Variants in MMS22L observed in about 807,000 individuals in gnomAD.
MMS22L encodes MMS22 like, DNA repair protein, also known as protein MMS22-like.
A neutral mutation model predicts 159.1 loss-of-function variants in MMS22L; 74 were observed. The ratio of observed to expected loss-of-function variants is 0.47; its 90% CI spans 0.39 to 0.56. MMS22L has a LOEUF of 0.56. Ranked by LOEUF, MMS22L falls within the 20% of genes least tolerant of loss-of-function variation. The pLI is 0.00. For missense variants in MMS22L, 1,351 were observed against 1,422.1 expected (o/e 0.95, Z 0.80); for synonymous variants, 517 against 506.9 (o/e 1.02, Z -0.27).
intron 14 of MMS22L, among the ~76,000 whole-genome samples, chr6:97,195,237 C>G (rs1806363031): frequency 6.6e-6 from 1 of 152,144 alleles, no homozygotes; most frequent in African/African-American, 2.4e-5. Context: ...CACAGTTTCA[C>G]AGACTCAAGG....
At chr6:97,169,086 C>T (rs1803264699) in intron 19 of MMS22L, among the ~76,000 whole-genome samples, 1 of 152,058 alleles carries the variant, frequency 6.6e-6, no homozygotes, top group Non-Finnish European at 1.5e-5. Context: ...TTAACCTCCA[C>T]CAACTTCAGT....
At chr6:97,223,284 C>T (rs2127984112) in intron 14 of MMS22L, among the ~76,000 whole-genome samples, 1 of 151,940 alleles carries the variant, frequency 6.6e-6, no homozygotes, top group South Asian at 2.1e-4. Context: ...CACATTTTTG[C>T]AAGGACTGGT....
intron 9 of MMS22L, chr6:97,259,240 T>G (rs1391193438): frequency 2.0e-5 from 3 of 152,234 alleles, no homozygotes; most frequent in Non-Finnish European, 4.4e-5. Context: ...TTCAGATATC[T>G]TCCTCATTCT....
At chr6:97,193,835 A>G (rs1271681493) in intron 14 of MMS22L, among the ~76,000 whole-genome samples, 1 of 152,176 alleles carries the variant, frequency 6.6e-6, no homozygotes. Flanking sequence ...ATCTCGGCTC[A>G]CTGCAAGCTC....
At chr6:97,226,693 T>C (rs1247813478) in intron 14 of MMS22L, among the ~76,000 whole-genome samples, 4 of 151,998 alleles carry the variant, frequency 2.6e-5, no homozygotes, top group Non-Finnish European at 5.9e-5. Flanking sequence ...AAAATACATA[T>C]ATAGTGTGTG....
chr6:97,182,902 T>C (rs1480194482), intron 15 of MMS22L, among the ~76,000 whole-genome samples: 1 of 152,110 alleles, frequency 6.6e-6, no homozygotes, highest in African/African-American at 2.4e-5. Flanking sequence ...CTCCTCTCAT[T>C]CTTTGTAGAC....
In MMS22L at chr6:97,179,472, C is replaced by A. The variant is rs750905189; in HGVS notation, c.2472G>T (p.Met824Ile). Residue 824 changes from methionine (M) to isoleucine (I), a missense_variant, in exon 17 of 25, where the codon ATG becomes ATT. Transcript: ENST00000683635. Reference sequence around the variant, plus strand: ...CAGGCCCAGAGAGGTTTTTAATATACATTTGCAAAACACAACGAATCCATG... The same window carrying A: ...CAGGCCCAGAGAGGTTTTTAATATAAATTTGCAAAACACAACGAATCCATG... ...VRSWIRCVLQ[M>I]YIKNLSGPDD... 6.2e-7 allele frequency: 1 copy of A among 1,613,612 alleles called. No homozygotes were observed. Among genetic ancestry groups the A allele is most frequent in the Admixed American group, 1.7e-5 (1 of 60,000 alleles).
chr6:97,215,114 A>ATATATATATATTTTT (rs1209431095), intron 14 of MMS22L, among the ~76,000 whole-genome samples: 1 of 87,190 alleles, frequency 1.1e-5, no homozygotes, highest in African/African-American at 3.5e-5. Context: ...ATATATATAT[A>ATATATATATATTTTT]TTTTTTTTTT....
rs562900198 is a variant in MMS22L, at chr6:97,181,226, G to T, written c.2384+678C>A. Among the ~76,000 whole-genome samples, 6 of 152,226 alleles carry T rather than the reference G, an allele frequency of 3.9e-5. No individual in the cohort carries two copies. The East Asian group carries it at 1.2e-3, about 29-fold the overall frequency. Reference sequence around the variant, plus strand: ...ATGCTCTCTCACTCTACAAGCAGTTGTTACTAAAAAGAGGACTAAGACCTC... The same window carrying T: ...ATGCTCTCTCACTCTACAAGCAGTTTTTACTAAAAAGAGGACTAAGACCTC... On this transcript the variant is annotated intron_variant, in intron 16 of 24. Coordinates refer to ENST00000683635, the MANE Select transcript of MMS22L (RefSeq NM_001350599.2).
chr6:97,212,269 T>C (rs1225056160), intron 14 of MMS22L, among the ~76,000 whole-genome samples: 2 of 152,200 alleles, frequency 1.3e-5, no homozygotes, highest in Non-Finnish European at 2.9e-5. Flanking sequence ...CAGACATTTC[T>C]GTTTCATGCA....
intron 22 of MMS22L, among the ~76,000 whole-genome samples, chr6:97,159,324 C>T (rs1802187194): frequency 6.6e-6 from 1 of 151,694 alleles, no homozygotes; most frequent in Non-Finnish European, 1.5e-5. Context: ...GAACTATTTC[C>T]TTTGTGGTCA....
At chr6:97,218,303 AT>A (rs1809252306) in intron 14 of MMS22L, among the ~76,000 whole-genome samples, 3 of 152,188 alleles carry the variant, frequency 2.0e-5, no homozygotes, top group Non-Finnish European at 4.4e-5. Context: ...TCCTGACTGC[AT>A]GGATACTGTT....
intron 10 of MMS22L, chr6:97,254,320 C>G: frequency 2.5e-6 from 1 of 396,456 alleles, no homozygotes; most frequent in East Asian, 4.9e-5. Flanking sequence ...CACAATTGTT[C>G]AGTAGCAGGG....
At chr6:97,235,285 T>C (rs1335964638) in intron 11 of MMS22L, among the ~76,000 whole-genome samples, 1 of 152,192 alleles carries the variant, frequency 6.6e-6, no homozygotes, top group Non-Finnish European at 1.5e-5. Context: ...AATGGTGCTA[T>C]TTCCTGAAAT....
At position 97,267,879 on chromosome 6, in the gene MMS22L, T is replaced by C; in HGVS notation, c.821A>G (p.Tyr274Cys). Residue 274 changes from tyrosine (Y) to cysteine (C), a missense_variant, in exon 8 of 25, where the codon TAC becomes TGC. Coordinates refer to ENST00000683635, the MANE Select transcript of MMS22L (RefSeq NM_001350599.2). ...AAACTCTTAAAGCATTACCTTGTCGTACCTGTTGAGTGACAGGCTTATTAA... is the reference window on the plus strand; with the variant it reads ...AAACTCTTAAAGCATTACCTTGTCGCACCTGTTGAGTGACAGGCTTATTAA... ...CDLISLSLNRYDKVRSSESLM... is the reference protein window; with the variant it reads ...CDLISLSLNRCDKVRSSESLM... The C allele has an allele frequency of 6.2e-7, 1 of 1,604,738 alleles. No homozygotes were observed.
At chr6:97,197,316 C>A (rs1368015545) in intron 14 of MMS22L, among the ~76,000 whole-genome samples, 2 of 152,136 alleles carry the variant, frequency 1.3e-5, no homozygotes, top group Non-Finnish European at 2.9e-5. Context: ...AACTCATCCT[C>A]CAAATTTAAT....
intron 11 of MMS22L, among the ~76,000 whole-genome samples, chr6:97,245,038 C>G (rs1320688488): frequency 6.6e-6 from 1 of 152,100 alleles, no homozygotes; most frequent in African/African-American, 2.4e-5. Flanking sequence ...CAGTCTCACT[C>G]CCGCTATGCT....
chr6:97,145,958 G>C lies in MMS22L; in HGVS notation c.*848C>G, dbSNP rs1045367218. 6.6e-6 allele frequency: 1 copy of C among 152,138 alleles called. No individual in the cohort carries two copies. Among genetic ancestry groups the C allele is most frequent in the Admixed American group, 6.5e-5 (1 of 15,278 alleles). 9.4% of individuals were successfully genotyped at this position (152,138 alleles called of 1,614,324 possible). A position where few individuals can be genotyped will look rare whatever the true frequency, so the allele number is the denominator to read the frequency against. ...ACTAAACAGGTTTCTTGGATAAAAT[G>C]CTAAGTTATAAGAAGCTCTGGCTAA... On this transcript the variant is annotated 3_prime_UTR_variant, in exon 25 of 25. Coordinates refer to ENST00000683635, the MANE Select transcript of MMS22L (RefSeq NM_001350599.2).
intron 6 of MMS22L, chr6:97,270,945 A>C (rs1050848440): frequency 3.3e-5 from 5 of 152,152 alleles, no homozygotes; most frequent in African/African-American, 4.8e-5. Context: ...ATAAAACAAA[A>C]AACGGAAAAA....
Sources: allele counts gnomAD v4.1 joint callset (sites outside exome capture counted in the v4.1 genomes callset), GRCh38; gene constraint gnomAD v4.1.1; transcripts MANE v1.5; gene names NCBI Gene and HGNC (gene_info 2026-07-23, HGNC 2026-07-21).